Variants in SEMA3D observed in about 807,000 individuals in gnomAD.
SEMA3D encodes semaphorin-3D.
A neutral mutation model predicts 100.1 loss-of-function variants in SEMA3D; 84 were observed. The observed-to-expected ratio is 0.84, with a 90% confidence interval of 0.70 to 1.01. The LOEUF (loss-of-function observed/expected upper bound fraction) is 1.01. SEMA3D is among the 50% of genes least tolerant of loss of function. The probability of loss-of-function intolerance (pLI) is 0.00; values close to 1 mark genes in which losing one functional copy is unlikely to be tolerated. For synonymous variants in SEMA3D, 312 were observed against 320.7 expected, an observed-to-expected ratio of 0.97 and a Z score of 0.29; for missense variants, 875 against 934.1, an observed-to-expected ratio of 0.94 and a Z score of 0.82.
the SEMA3D span, among the ~76,000 whole-genome samples, chr7:85,213,504 A>C: frequency 6.6e-6 from 1 of 152,104 alleles, no homozygotes; most frequent in South Asian, 2.1e-4. Flanking sequence ...TTATTGATTG[A>C]TTACTTACTT....
the SEMA3D span, among the ~76,000 whole-genome samples, chr7:85,238,346 T>C: frequency 3.7e-3 from 561 of 152,324 alleles, 3 homozygotes; most frequent in African/African-American, 0.013. Flanking sequence ...TCATTTTACA[T>C]ATAGATCTAT....
chr7:85,196,146 C>T, the SEMA3D span, among the ~76,000 whole-genome samples: 8 of 152,154 alleles, frequency 5.3e-5, no homozygotes, highest in Admixed American at 3.9e-4. Context: ...GCAGCTTTTT[C>T]CCCCGCAACA....
At chr7:85,155,464 A>T (rs1354461192) in intron 1 of SEMA3D, among the ~76,000 whole-genome samples, 1 of 152,140 alleles carries the variant, frequency 6.6e-6, no homozygotes, top group Non-Finnish European at 1.5e-5. Flanking sequence ...CCACAGGTAC[A>T]TATTAAACCC....
intron 5 of SEMA3D, among the ~76,000 whole-genome samples, 186 bp from the exon 6 acceptor site, chr7:85,073,267 T>C (rs1269993619): frequency 1.3e-5 from 2 of 152,174 alleles, no homozygotes; most frequent in Non-Finnish European, 2.9e-5. Context: ...AACCATGGTA[T>C]AAAGGAGTAG....
At chr7:85,065,246 T>C (rs2116141767) in intron 8 of SEMA3D, among the ~76,000 whole-genome samples, 178 bp downstream of exon 8, 1 of 152,280 alleles carries the variant, frequency 6.6e-6, no homozygotes, top group East Asian at 1.9e-4. Context: ...ATATTATGTA[T>C]TACTATATAA....
chr7:85,002,293 T>G (rs1459500053), intron 18 of SEMA3D, among the ~76,000 whole-genome samples: 1 of 152,284 alleles, frequency 6.6e-6, no homozygotes, highest in African/African-American at 2.4e-5. Context: ...TTTAATAAAT[T>G]TTCAGCTTTC....
intron 4 of SEMA3D, among the ~76,000 whole-genome samples, chr7:85,082,845 C>T (rs1788104675): frequency 6.6e-6 from 1 of 152,162 alleles, no homozygotes. Flanking sequence ...TCACAAATTA[C>T]AATCCAGATA....
intron 3 of SEMA3D, among the ~76,000 whole-genome samples, chr7:85,108,060 A>G (rs958709797): frequency 1.3e-5 from 2 of 152,092 alleles, no homozygotes; most frequent in African/African-American, 4.8e-5. Flanking sequence ...TCCAGTGCTC[A>G]AAGTTCAATT....
At chr7:85,026,439 A>G (rs908962186) in intron 12 of SEMA3D, among the ~76,000 whole-genome samples, 1 of 152,084 alleles carries the variant, frequency 6.6e-6, no homozygotes, top group Non-Finnish European at 1.5e-5. Context: ...ATTAGGAAAG[A>G]CTTGCTTAAA....
intron 4 of SEMA3D, among the ~76,000 whole-genome samples, chr7:85,084,670 G>A (rs1291406648): frequency 6.6e-6 from 1 of 150,520 alleles, no homozygotes; most frequent in Non-Finnish European, 1.5e-5. Flanking sequence ...AGGTAAACTT[G>A]TGTCATGAGG....
intron 2 of SEMA3D, among the ~76,000 whole-genome samples, 161 bp from the exon 3 acceptor site, chr7:85,122,092 TG>T (rs1789437610): frequency 6.6e-6 from 1 of 151,212 alleles, no homozygotes; most frequent in Non-Finnish European, 1.5e-5. Context: ...TGTTGGGGGC[TG>T]GGGGCTGGGG....
At chr7:85,244,182 C>A in the SEMA3D span, among the ~76,000 whole-genome samples, 1 of 148,744 alleles carries the variant, frequency 6.7e-6, no homozygotes, top group Non-Finnish European at 1.5e-5. Flanking sequence ...TTCATAACAG[C>A]AGAGAAGAAG....
chr7:85,249,353 C>T, the SEMA3D span, among the ~76,000 whole-genome samples: 3 of 152,002 alleles, frequency 2.0e-5, no homozygotes, highest in Non-Finnish European at 4.4e-5. Flanking sequence ...CGAAGGATAC[C>T]TGACAATTAA....
intron 1 of SEMA3D, among the ~76,000 whole-genome samples, chr7:85,173,007 A>C (rs1282923989): frequency 1.3e-5 from 2 of 152,130 alleles, no homozygotes; most frequent in African/African-American, 2.4e-5. Context: ...AACAAGGCAC[A>C]AAAGAAACAA....
intron 2 of SEMA3D, among the ~76,000 whole-genome samples, chr7:85,131,682 CAT>C (rs1367211889): frequency 6.6e-6 from 1 of 151,802 alleles, no homozygotes; most frequent in East Asian, 1.9e-4. Context: ...AGATATAGTA[CAT>C]TCAATGGTAT....
chr7:85,206,302 A>G, the SEMA3D span, among the ~76,000 whole-genome samples: 1 of 152,116 alleles, frequency 6.6e-6, no homozygotes, highest in African/African-American at 2.4e-5. Flanking sequence ...TACTATTTCC[A>G]AATATGTGAA....
At chr7:85,223,763 G>A in the SEMA3D span, among the ~76,000 whole-genome samples, 1 of 152,032 alleles carries the variant, frequency 6.6e-6, no homozygotes, top group African/African-American at 2.4e-5. Context: ...GGGACTCTGG[G>A]AGGGGTGAGG....
chr7:84,998,476 C>T lies in SEMA3D; in HGVS notation c.*964G>A, dbSNP rs1344586246. On this transcript the variant is annotated 3_prime_UTR_variant, in exon 19 of 19. Transcript: ENST00000284136. ...TAACAGATGAATTACAAATTGGCAG[C>T]TACTTATACCCTAGTGAAAAGAGCT... 1 of 151,930 alleles carries T rather than the reference C, an allele frequency of 6.6e-6. No homozygotes were observed. Among genetic ancestry groups the T allele is most frequent in the Non-Finnish European group, 1.5e-5 (1 of 67,982 alleles). 9.4% of individuals were successfully genotyped at this position (151,930 alleles called of 1,614,324 possible).
chr7:85,015,940 C>T (rs1389087656), intron 15 of SEMA3D, among the ~76,000 whole-genome samples: 1 of 151,550 alleles, frequency 6.6e-6, no homozygotes, highest in East Asian at 2.0e-4. Context: ...CAATCTGTGC[C>T]TTCAAAGAAC....
Sources: allele counts gnomAD v4.1 joint callset (sites outside exome capture counted in the v4.1 genomes callset), GRCh38; gene constraint gnomAD v4.1.1; transcripts MANE v1.5; gene names NCBI Gene and HGNC (gene_info 2026-07-23, HGNC 2026-07-21).